The following TAF6L variants were observed in gnomAD, a reference collection of about 807,000 sequenced individuals.
TAF6L encodes TAF6-like RNA polymerase II p300/CBP-associated factor-associated factor 65 kDa subunit 6L.
TAF6L carries 34 observed loss-of-function variants against 57.3 expected under a neutral mutation model. The observed-to-expected ratio is 0.59, with a 90% CI of 0.45 to 0.79. The LOEUF (loss-of-function observed/expected upper bound fraction) is 0.79, where lower values mean the gene tolerates loss of function less well. Ranked by LOEUF, TAF6L falls within the 30% of genes least tolerant of loss-of-function variation. The pLI, the probability that TAF6L is intolerant of heterozygous loss-of-function variation, is 0.00. For synonymous variants in TAF6L, 417 were observed against 376.3 expected (o/e 1.11, Z -1.25); for missense variants, 782 against 853.2 (o/e 0.92, Z 1.04).
At chr11:62,773,493 A>G (rs2084164565) in intron 1 of TAF6L, among the ~76,000 whole-genome samples, 1 of 131,872 alleles carries the variant, frequency 7.6e-6, no homozygotes, top group African/African-American at 2.9e-5. Flanking sequence ...TGTTACCCAG[A>G]ATGGAGTGCA....
Position 62,786,404 on chromosome 11 carries a change from T to C in TAF6L, c.1089+16T>C. On this transcript the variant is annotated intron_variant, in intron 10 of 10. Transcript: ENST00000294168. ...AGCCATTCTGGTGAGTACCGTCCCC[T>C]TCCAGCCTCCCTTCCCTGCATGAGC... 6.2e-7 allele frequency: 1 copy of C among 1,609,742 alleles called. No individual in the cohort carries two copies. The highest frequency in any genetic ancestry group is 2.2e-5 in the East Asian group (1 of 44,716).
chr11:62,781,343 T>G (rs2084228153), intron 6 of TAF6L, among the ~76,000 whole-genome samples: 1 of 151,904 alleles, frequency 6.6e-6, no homozygotes, highest in Non-Finnish European at 1.5e-5. Flanking sequence ...TGGTATTATA[T>G]TAAGCATCTG....
At chr11:62,781,074 A>G (rs1240473999) in intron 6 of TAF6L, among the ~76,000 whole-genome samples, 1 of 151,784 alleles carries the variant, frequency 6.6e-6, no homozygotes. Flanking sequence ...TGTCTCTACT[A>G]AAAATACAAA....
Position 62,786,540 on chromosome 11 carries a change from G to C in TAF6L, c.1113G>C (p.Lys371Asn). The change falls in exon 11 of 11, where the codon AAG becomes AAC. Residue 371 changes from lysine (K) to asparagine (N), a missense_variant. Around this residue, in one of 3 missense-constraint regions of TAF6L, gnomAD observed 483 missense variants for 445.1 expected, o/e 1.09. Coordinates refer to ENST00000294168, the MANE Select transcript of TAF6L (RefSeq NM_006473.4). ...AGGTGGCGGTAGAGCGACTGCTGAA[G>C]ATGAAGGCCCAGGCAGCAGAGCCCA... ...AILVAVERLL[K>N]MKAQAAEPNR... is the part of the protein sequence containing the mutation. The C allele has an allele frequency of 1.9e-6, 3 of 1,552,512 alleles. No individual in the cohort carries two copies. Among genetic ancestry groups the C allele is most frequent in the Non-Finnish European group, 2.6e-6 (3 of 1,147,460 alleles).
intron 2 of TAF6L, 35 bp from the exon 3 acceptor site, chr11:62,776,349 T>C (rs1590933267): frequency 8.1e-6 from 13 of 1,609,762 alleles, no homozygotes; most frequent in African/African-American, 2.7e-5. Context: ...CTGCTTCACA[T>C]CCTTTGACTC....
chr11:62,782,561 TG>T, intron 8 of TAF6L, 131 bp from the exon 9 acceptor site: 1 of 1,361,300 alleles, frequency 7.3e-7, no homozygotes, highest in African/African-American at 1.4e-5. Flanking sequence ...CAGTCACCCC[TG>T]GCAGCCTTCT....
chr11:62,775,959 C>T, intron 2 of TAF6L, 29 bp downstream of exon 2: 7 of 1,576,286 alleles, frequency 4.4e-6, no homozygotes, highest in Non-Finnish European at 6.0e-6. Flanking sequence ...CTGATACCTC[C>T]AACTTTCCTT....
chr11:62,774,543 G>A, intron 1 of TAF6L: 1 of 454,156 alleles, frequency 2.2e-6, no homozygotes, highest in Non-Finnish European at 4.4e-6. Context: ...TCCTGGATCT[G>A]GGCCTTCCTG....
chr11:62,772,100 G>A (rs1339409543), intron 1 of TAF6L: 1 of 456,224 alleles, frequency 2.2e-6, no homozygotes. Flanking sequence ...AGAAGTCATG[G>A]AACATTTAGC....
chr11:62,781,897 G>T lies in TAF6L; in HGVS notation c.535G>T (p.Ala179Ser). 6.2e-7 allele frequency: 1 copy of T among 1,614,082 alleles called. No homozygotes were observed. The highest frequency in any genetic ancestry group is 8.5e-7 in the Non-Finnish European group (1 of 1,179,978). Residue 179 changes from alanine (A) to serine (S), a missense_variant, in exon 7 of 11, where the codon GCA (alanine) becomes TCA (serine). Coordinates refer to ENST00000294168, the MANE Select transcript of TAF6L (RefSeq NM_006473.4). ...LGDDPQLMKV[A>S]LQDLQTNSKI... ...CAGTCTGGGCCCTTCCTTTTAGGTTGCACTCCAGGACTTGCAGACGAACTC... is the reference window on the plus strand; with the variant it reads ...CAGTCTGGGCCCTTCCTTTTAGGTTTCACTCCAGGACTTGCAGACGAACTC...
At chr11:62,772,688 G>C (rs1477107236) in intron 1 of TAF6L, among the ~76,000 whole-genome samples, 1 of 150,794 alleles carries the variant, frequency 6.6e-6, no homozygotes, top group Non-Finnish European at 1.5e-5. Context: ...AAATTAGCCA[G>C]GTGTGGCGGC....
rs749866765 is a variant in TAF6L, at chr11:62,787,274, A to T, written c.1847A>T (p.Tyr616Phe). ...GCCCGCCGGTGGGCGCTCTCGGACT[A>T]CTCGCTGTACTTGCCGCTCTGAGTC... ...RPARRWALSD[Y>F]SLYLPL Residue 616 changes from tyrosine (Y) to phenylalanine (F), a missense_variant, in exon 11 of 11, where the codon TAC (tyrosine) becomes TTC (phenylalanine). Around this residue, in one of 3 missense-constraint regions of TAF6L, gnomAD observed 483 missense variants for 445.1 expected, o/e 1.09. Coordinates refer to ENST00000294168, the MANE Select transcript of TAF6L (RefSeq NM_006473.4). 95 of 1,551,358 alleles carry T rather than the reference A, an allele frequency of 6.1e-5. No individual in the cohort carries two copies. The highest frequency in any genetic ancestry group is 7.9e-5 in the Non-Finnish European group (91 of 1,157,486).
At chr11:62,776,119 C>G (rs998202769) in intron 2 of TAF6L, among the ~76,000 whole-genome samples, 189 bp downstream of exon 2, 59 of 152,214 alleles carry the variant, frequency 3.9e-4, no homozygotes, top group African/African-American at 1.3e-3. Flanking sequence ...TGCCAGGCAT[C>G]TTCCCATGTG....
chr11:62,777,639 C>T (rs577616185), intron 3 of TAF6L, among the ~76,000 whole-genome samples: 11 of 152,212 alleles, frequency 7.2e-5, no homozygotes, highest in Non-Finnish European at 1.3e-4. Context: ...TTTTCTGGAG[C>T]GGTGAGTTGA....
chr11:62,786,867 C>A lies in TAF6L; in HGVS notation c.1440C>A (p.Asp480Glu). The A allele has an allele frequency of 6.3e-7, 1 of 1,588,588 alleles. No homozygotes were observed. The highest frequency in any genetic ancestry group is 8.5e-7 in the Non-Finnish European group (1 of 1,174,916). Residue 480 changes from aspartate (D) to glutamate (E), a missense_variant, in exon 11 of 11, where the codon GAC becomes GAA. This residue lies in a region of TAF6L where 483 missense variants were observed against 445.1 expected (regional missense o/e 1.09). Coordinates refer to ENST00000294168, the MANE Select transcript of TAF6L (RefSeq NM_006473.4). ...GDKKEPAAAP[D>E]SVRKMPQLTA... ...AGAAGGAGCCGGCGGCAGCCCCGGA[C>A]TCGGTGCGGAAGATGCCGCAGCTGA...
At chr11:62,784,553 G>A (rs1418640606) in intron 9 of TAF6L, among the ~76,000 whole-genome samples, 5 of 151,948 alleles carry the variant, frequency 3.3e-5, no homozygotes, top group Non-Finnish European at 5.9e-5. Context: ...TGATCCGCCC[G>A]CCTTGGCCTC....
At chr11:62,772,966 C>T (rs1054148134) in intron 1 of TAF6L, among the ~76,000 whole-genome samples, 14 of 151,422 alleles carry the variant, frequency 9.2e-5, no homozygotes, top group African/African-American at 2.9e-4. Context: ...CAGCCTCTGC[C>T]TCCTGGGTTC....
intron 2 of TAF6L, 70 bp from the exon 3 acceptor site, chr11:62,776,314 C>T: frequency 1.3e-6 from 2 of 1,525,484 alleles, no homozygotes; most frequent in East Asian, 4.5e-5. Flanking sequence ...GTCTGGCCCA[C>T]TTCATTTGGG....
intron 9 of TAF6L, among the ~76,000 whole-genome samples, chr11:62,785,790 C>T (rs1254090063): frequency 6.6e-6 from 1 of 151,954 alleles, no homozygotes; most frequent in African/African-American, 2.4e-5. Context: ...TGGCCTCGGC[C>T]TCCCAAAGTG....
Sources: allele counts gnomAD v4.1 joint callset (sites outside exome capture counted in the v4.1 genomes callset), GRCh38; gene constraint gnomAD v4.1.1; regional missense constraint gnomAD v4.1.1; transcripts MANE v1.5; gene names NCBI Gene and HGNC (gene_info 2026-07-23, HGNC 2026-07-21).